The following FUS variants were observed in gnomAD, a reference collection of about 807,000 sequenced individuals.
FUS encodes the protein RNA-binding protein FUS.
In FUS, 5 loss-of-function variants were observed where a neutral mutation model predicts 82.7. The observed-to-expected ratio is 0.06, with a 90% CI of 0.03 to 0.13. FUS has a LOEUF of 0.13. Ranked by LOEUF, FUS falls within the 10% of genes least tolerant of loss-of-function variation. The pLI, the probability that FUS is intolerant of heterozygous loss-of-function variation, is 1.00. For synonymous variants in FUS, 281 were observed against 247.4 expected, an observed-to-expected ratio of 1.14 and a Z score of -1.27; for missense variants, 512 against 707.8, an observed-to-expected ratio of 0.72 and a Z score of 3.14.
chr16:31,185,191 A>G lies in FUS; in HGVS notation c.764+12A>G. The stretch of plus-strand genomic sequence containing the variant: ...AGAGGTGGCATGGGGTAGGTGTCTC[A>G]TGAGCCAGGGAGTATCTTTGGTGGG... On this transcript the variant is annotated intron_variant, in intron 6 of 14. Transcript: ENST00000254108. 1 of 1,600,796 alleles carries G rather than the reference A, an allele frequency of 6.2e-7. No homozygotes were observed. The highest frequency in any genetic ancestry group is 1.1e-5 in the South Asian group (1 of 89,748).
downstream of FUS, chr16:31,193,002 C>G: frequency 2.1e-6 from 1 of 482,940 alleles, no homozygotes; most frequent in Non-Finnish European, 4.1e-6. Context: ...GCTCTTGTTG[C>G]CCAGGCTGGA....
chr16:31,181,207 C>A (rs1335409848), intron 1 of FUS, among the ~76,000 whole-genome samples: 1 of 152,186 alleles, frequency 6.6e-6, no homozygotes, highest in East Asian at 1.9e-4. Flanking sequence ...AAGCCAACCA[C>A]GCCTGGTCTA....
intron 11 of FUS, 31 bp from the exon 12 acceptor site, chr16:31,190,244 A>G: frequency 6.2e-7 from 1 of 1,614,022 alleles, no homozygotes; most frequent in South Asian, 1.1e-5. Flanking sequence ...TTGGAGAGGG[A>G]GCAGACCCAT....
downstream of FUS, chr16:31,194,504 C>T: frequency 2.0e-6 from 1 of 499,684 alleles, no homozygotes; most frequent in South Asian, 1.5e-5. Flanking sequence ...TGCCATGTTG[C>T]TCAGGCTGGT....
chr16:31,189,558 G>C, intron 9 of FUS, 107 bp from the exon 10 acceptor site: 1 of 1,471,740 alleles, frequency 6.8e-7, no homozygotes, highest in South Asian at 1.1e-5. Context: ...ACTGGGAAGA[G>C]GGGAGCTGAA....
chr16:31,182,665 G>GT lies in FUS; in HGVS notation c.190+2dup. 6.2e-7 allele frequency: 1 copy of GT among 1,614,216 alleles called. No homozygotes were observed. ...TCTTCTTATGGCCAGAGCCAGAACA[G>GT]TGAGTCTTTCTCAGCGGGTCACCTC... is the stretch of plus-strand genomic sequence containing the variant. On this transcript the variant is annotated splice_donor_variant, in intron 3 of 14. Transcript: ENST00000254108. LOFTEE classifies it high-confidence loss of function.
At position 31,189,816 on chromosome 16, in the gene FUS, G is replaced by A. The variant is rs200498893; in HGVS notation, c.1066+22G>A. On this transcript the variant is annotated intron_variant, in intron 10 of 14. Transcript: ENST00000254108. ...GATGGTATGTATGAGAAGGCTGGCA[G>A]AGGTGGGGCTGGGGATATAGGGCAG... 169 of 1,613,904 alleles carry A rather than the reference G, an allele frequency of 1.0e-4. 1 individual carries two copies. Among genetic ancestry groups the A allele is most frequent in the Middle Eastern group, 6.6e-4 (4 of 6,060 alleles).
chr16:31,188,199 C>CTT, intron 7 of FUS, 126 bp from the exon 8 acceptor site: 5 of 1,018,340 alleles, frequency 4.9e-6, no homozygotes. Context: ...TGAGCACTTA[C>CTT]TTGATATTTT....
At chr16:31,191,614 C>T (rs182573197), downstream of FUS, 4 of 757,718 alleles carry the variant, frequency 5.3e-6, no homozygotes, top group African/African-American at 6.9e-5. Flanking sequence ...AATTTTGTTC[C>T]TCTTCCCCCT....
chr16:31,186,883 G>T, intron 7 of FUS, 47 bp downstream of exon 7: 1 of 1,550,850 alleles, frequency 6.4e-7, no homozygotes, highest in East Asian at 2.2e-5. Flanking sequence ...GCAATGCTTT[G>T]TCTGATTGTT....
Position 31,190,781 on chromosome 16 carries a change from C to T in FUS, c.1332C>T (p.Cys444=). ...ENMNFSWRNE[C]NQCKAPKPDG... ...TGAACTTCTCTTGGAGGAATGAATG[C>T]AACCAGTGTAAGGCCCCTAAACCAG... Residue 444 remains cysteine, a synonymous_variant, in exon 13 of 15, where the codon TGC becomes TGT. Transcript: ENST00000254108. 1 of 1,614,188 alleles carries T rather than the reference C, an allele frequency of 6.2e-7. No homozygotes were observed. Among genetic ancestry groups the T allele is most frequent in the African/African-American group, 1.3e-5 (1 of 75,052 alleles).
downstream of FUS, chr16:31,192,168 G>T (rs1453320225): frequency 1.9e-6 from 1 of 528,630 alleles, no homozygotes; most frequent in African/African-American, 1.9e-5. Context: ...GACTGGTCTG[G>T]CTGGGTTACT....
In FUS at chr16:31,184,354, T is replaced by TACA; in HGVS notation, c.485_487dup (p.Asn162dup). 6.2e-7 allele frequency: 1 copy of TACA among 1,613,860 alleles called. No individual in the cohort carries two copies. The highest frequency in any genetic ancestry group is 8.5e-7 in the Non-Finnish European group (1 of 1,180,000). On this transcript the variant is annotated inframe_insertion, in exon 5 of 15. Coordinates refer to ENST00000254108, the MANE Select transcript of FUS (RefSeq NM_004960.4). ...TCAGGGCTATGGACAGCAGAACCAG[T>TACA]ACAACAGCAGCAGTGGTGGTGGAGG...
At chr16:31,189,087 C>T in intron 8 of FUS, 36 bp from the exon 9 acceptor site, 5 of 1,502,364 alleles carry the variant, frequency 3.3e-6, no homozygotes, top group South Asian at 2.3e-5. Flanking sequence ...TTTATTTTAC[C>T]TTTTCACATT....
chr16:31,180,319 C>G (rs2058036753), intron 1 of FUS, 92 bp downstream of exon 1: 25 of 1,504,924 alleles, frequency 1.7e-5, no homozygotes, highest in Non-Finnish European at 2.3e-5. Context: ...GGCGGCGATC[C>G]CGTGTGGGAT....
chr16:31,186,718 T>C (rs2079276025), intron 6 of FUS, 84 bp from the exon 7 acceptor site: 1 of 1,328,636 alleles, frequency 7.5e-7, no homozygotes, highest in South Asian at 1.2e-5. Context: ...TACCCATGTT[T>C]GGGGAATGTT....
chr16:31,182,021 G>A (rs1370713302), intron 1 of FUS, among the ~76,000 whole-genome samples: 1 of 145,862 alleles, frequency 6.9e-6, no homozygotes, highest in Admixed American at 6.8e-5. Flanking sequence ...TTTTTTTTTT[G>A]AGATGGAGTC....
intron 1 of FUS, among the ~76,000 whole-genome samples, chr16:31,181,224 T>A (rs1210740374): frequency 6.6e-6 from 1 of 152,180 alleles, no homozygotes; most frequent in Non-Finnish European, 1.5e-5. Flanking sequence ...TCTAAATTTC[T>A]TTTTTCTGAG....
Position 31,182,417 on chromosome 16 carries a change from C to A in FUS, c.33C>A (p.Thr11=). The A allele has an allele frequency of 6.2e-7, 1 of 1,614,190 alleles. No individual in the cohort carries two copies. The highest frequency in any genetic ancestry group is 8.5e-7 in the Non-Finnish European group (1 of 1,180,042). MASNDYTQQA[T]QSYGAYPTQP... is the part of the protein sequence containing the mutation. ...TTGCAGATTATACCCAACAAGCAAC[C>A]CAAAGGTGAGTGCTATTTTTGGGCT... The change falls in exon 2 of 15, where the codon ACC becomes ACA. Residue 11 remains threonine, a synonymous_variant. Coordinates refer to ENST00000254108, the MANE Select transcript of FUS (RefSeq NM_004960.4).
Sources: gnomAD v4.1 joint callset for allele counts (sites outside exome capture counted in the v4.1 genomes callset) on GRCh38, gnomAD v4.1.1 for gene constraint, MANE v1.5 for transcripts, NCBI Gene and HGNC (gene_info 2026-07-23, HGNC 2026-07-21) for gene names.